Variants in KMT5A observed in about 807,000 individuals in gnomAD.
The protein encoded by KMT5A is lysine methyltransferase 5A, also known as N-lysine methyltransferase KMT5A.
KMT5A carries 6 observed loss-of-function variants against 40.6 expected under a neutral mutation model. That is an observed-to-expected ratio of 0.15 (90% CI 0.08 to 0.29). The LOEUF is 0.29. Among genes scored for constraint, KMT5A ranks in the 10% least tolerant of loss-of-function variants. The pLI, the probability that KMT5A is intolerant of heterozygous loss-of-function variation, is 1.00. For missense variants in KMT5A, 308 were observed against 459.1 expected (o/e 0.67, Z 3.01); for synonymous variants, 153 against 178.8 (o/e 0.86, Z 1.15).
chr12:123,402,272 G>T (rs557882958), intron 5 of KMT5A, among the ~76,000 whole-genome samples: 1 of 152,244 alleles, frequency 6.6e-6, no homozygotes, highest in Non-Finnish European at 1.5e-5. Context: ...CTAGCAAGGG[G>T]GCCGGAGCGG....
intron 5 of KMT5A, among the ~76,000 whole-genome samples, chr12:123,399,850 G>T (rs955606885): frequency 1.3e-5 from 2 of 152,050 alleles, no homozygotes; most frequent in African/African-American, 4.8e-5. Context: ...TCGAGACAGA[G>T]TCTCACACTG....
intron 3 of KMT5A, among the ~76,000 whole-genome samples, chr12:123,393,192 T>C (rs570109563): frequency 6.6e-6 from 1 of 152,294 alleles, no homozygotes; most frequent in African/African-American, 2.4e-5. Context: ...TATTTATTTA[T>C]TTTTCTGTTT....
rs1164644754 is a variant in KMT5A at position 123,408,484 on chromosome 12, A to C, written c.*781A>C. On this transcript the variant is annotated 3_prime_UTR_variant, in exon 8 of 8. Transcript: ENST00000402868. ...AATTTATTTTAAAAAATAATAATAAAAATTTAAAAAAATTAAAAATAAAAA... is the reference window on the plus strand; with the variant it reads ...AATTTATTTTAAAAAATAATAATAACAATTTAAAAAAATTAAAAATAAAAA... 1 of 148,770 alleles carries C rather than the reference A, an allele frequency of 6.7e-6. No homozygotes were observed. The highest frequency in any genetic ancestry group is 2.6e-5 in the African/African-American group (1 of 38,976). The allele number at this position is 148,770 out of a possible 1,614,324, so 9.2% of individuals were successfully genotyped here.
chr12:123,394,377 A>G (rs964650448), intron 3 of KMT5A, among the ~76,000 whole-genome samples: 3 of 152,204 alleles, frequency 2.0e-5, no homozygotes, highest in African/African-American at 7.2e-5. Flanking sequence ...TGCTGGGATT[A>G]CAGGCAGGAG....
intron 3 of KMT5A, 76 bp downstream of exon 3, chr12:123,390,862 C>T: frequency 6.6e-7 from 1 of 1,507,960 alleles, no homozygotes; most frequent in Non-Finnish European, 9.1e-7. Flanking sequence ...CAAGAATGCA[C>T]ATATGTATTT....
In KMT5A at chr12:123,390,653, A is replaced by G; in HGVS notation, c.156A>G (p.Ser52=). 2 of 1,613,904 alleles carry G rather than the reference A, an allele frequency of 1.2e-6. No homozygotes were observed. The highest frequency in any genetic ancestry group is 2.2e-5 in the South Asian group (2 of 91,058). ...TDGENVFTGQ[S]KIYSYMSPNK... Reference sequence around the variant, plus strand: ...AGGAGAACGTATTTACCGGGCAGTCAAAGATCTATTCCTACATGAGCCCGA... The same window carrying G: ...AGGAGAACGTATTTACCGGGCAGTCGAAGATCTATTCCTACATGAGCCCGA... Residue 52 remains serine, a synonymous_variant, in exon 3 of 8, where the codon TCA becomes TCG. Coordinates refer to ENST00000402868, the MANE Select transcript of KMT5A (RefSeq NM_020382.7).
Position 123,408,489 on chromosome 12 carries a change from TA to T in KMT5A, c.*793del, listed in dbSNP as rs1174195199. The T allele has an allele frequency of 7.0e-6, 1 of 143,182 alleles. No individual in the cohort carries two copies. The highest frequency in any genetic ancestry group is 1.5e-5 in the Non-Finnish European group (1 of 66,446). 8.9% of individuals were successfully genotyped at this position (143,182 alleles called of 1,614,324 possible). A position where few individuals can be genotyped will look rare whatever the true frequency, so the allele number is the denominator to read the frequency against. ...ATTTTAAAAAATAATAATAAAAATTTAAAAAAATTAAAAATAAAAAAAACCA... is the reference window on the plus strand; with the variant it reads ...ATTTTAAAAAATAATAATAAAAATTTAAAAAATTAAAAATAAAAAAAACCA... On this transcript the variant is annotated 3_prime_UTR_variant, in exon 8 of 8. Coordinates refer to ENST00000402868, the MANE Select transcript of KMT5A (RefSeq NM_020382.7).
In KMT5A at chr12:123,384,518, G is replaced by A. The variant is rs1284160835; in HGVS notation, c.10+310G>A. On this transcript the variant is annotated intron_variant, in intron 1 of 7. Transcript: ENST00000402868. This position sits in a 1 kb window ranked among gnomAD's most constrained non-coding sequence, Gnocchi z 5.7. ...GAGCTCTTTGGAAACTAAAGCGCAG[G>A]GCACCTCCAGGGAATAGGTGTTATT... Among the ~76,000 whole-genome samples, 1 of 152,280 alleles carries A rather than the reference G, an allele frequency of 6.6e-6. No homozygotes were observed.
At chr12:123,399,523 A>G (rs28377694) in intron 5 of KMT5A, among the ~76,000 whole-genome samples, 36,999 of 152,128 alleles carry the variant, frequency 0.24, 4,948 homozygotes, top group South Asian at 0.34. Flanking sequence ...ACTCCCGTTT[A>G]CATGGGCCCC....
intron 3 of KMT5A, among the ~76,000 whole-genome samples, chr12:123,392,311 T>C (rs568988701): frequency 1.3e-5 from 2 of 152,298 alleles, no homozygotes; most frequent in South Asian, 4.1e-4. Flanking sequence ...GGTGGCCTGG[T>C]ATACAAGCTA....
chr12:123,390,251 GCT>G (rs1183663545), intron 2 of KMT5A: 2 of 423,482 alleles, frequency 4.7e-6, no homozygotes, highest in African/African-American at 4.1e-5. Flanking sequence ...GTGTTTCTGT[GCT>G]GAGTCCCTGC....
In KMT5A at chr12:123,390,667, A is replaced by G; in HGVS notation, c.170A>G (p.Tyr57Cys). 2 of 1,613,962 alleles carry G rather than the reference A, an allele frequency of 1.2e-6. No homozygotes were observed. Among genetic ancestry groups the G allele is most frequent in the Non-Finnish European group, 1.7e-6 (2 of 1,179,836 alleles). The change falls in exon 3 of 8, where the codon TAC becomes TGC. Residue 57 changes from tyrosine (Y) to cysteine (C), a missense_variant. Physicochemically the swap from Tyr to Cys is radical, Grantham distance 194. Coordinates refer to ENST00000402868, the MANE Select transcript of KMT5A (RefSeq NM_020382.7). ...ACCGGGCAGTCAAAGATCTATTCCT[A>G]CATGAGCCCGAACAAATGCTCTGGA... ...VFTGQSKIYS[Y>C]MSPNKCSGMR... is the part of the protein sequence containing the mutation.
At chr12:123,390,267 T>C (rs1262696490) in intron 2 of KMT5A, 2 of 405,410 alleles carry the variant, frequency 4.9e-6, no homozygotes, top group Non-Finnish European at 9.7e-6. Context: ...TCCCTGCGGC[T>C]CCTGCCAGGG....
rs1284581147 is a variant in KMT5A, at chr12:123,408,581, T to G, written c.*878T>G. The G allele has an allele frequency of 7.0e-6, 1 of 143,404 alleles. No homozygotes were observed. The highest frequency in any genetic ancestry group is 2.5e-5 in the African/African-American group (1 of 39,456). The allele number at this position is 143,404 out of a possible 1,614,324, so 8.9% of individuals were successfully genotyped here. ...GAAGTGGCTGCTTTTTTTTTTTTTT[T>G]TTTTTGCTTTTTTTTGCTTTTTGTA... is the stretch of plus-strand genomic sequence containing the variant. On this transcript the variant is annotated 3_prime_UTR_variant, in exon 8 of 8. Coordinates refer to ENST00000402868, the MANE Select transcript of KMT5A (RefSeq NM_020382.7).
chr12:123,401,669 C>A (rs1275586287), intron 5 of KMT5A, among the ~76,000 whole-genome samples: 1 of 151,974 alleles, frequency 6.6e-6, no homozygotes, highest in African/African-American at 2.4e-5. Flanking sequence ...GCAAACTCCA[C>A]CTCCTGGGTT....
chr12:123,396,759 C>T (rs1877758851), intron 5 of KMT5A, among the ~76,000 whole-genome samples: 1 of 152,178 alleles, frequency 6.6e-6, no homozygotes, highest in Non-Finnish European at 1.5e-5. Flanking sequence ...GAGCCTGGGA[C>T]TGTGGGAAAG....
chr12:123,401,572 G>A (rs1444562840), intron 5 of KMT5A, among the ~76,000 whole-genome samples: 1 of 150,294 alleles, frequency 6.7e-6, no homozygotes, highest in Admixed American at 6.6e-5. Context: ...TTTATGGGAA[G>A]GTTTTTTTTT....
intron 5 of KMT5A, among the ~76,000 whole-genome samples, chr12:123,401,744 G>A (rs1007936094): frequency 1.1e-4 from 16 of 151,986 alleles, no homozygotes; most frequent in Non-Finnish European, 2.2e-4. Context: ...ACCACGCCCA[G>A]CTAATTTTTG....
intron 3 of KMT5A, chr12:123,391,023 C>T (rs1225483351): frequency 6.0e-6 from 3 of 496,572 alleles, no homozygotes; most frequent in Non-Finnish European, 1.1e-5. Context: ...GCTTGATTGT[C>T]TTGCTTAGTT....
Sources: gnomAD v4.1 joint callset for allele counts (sites outside exome capture counted in the v4.1 genomes callset) on GRCh38, gnomAD v4.1.1 for gene constraint, Gnocchi (gnomAD v3.1) non-coding constraint, MANE v1.5 for transcripts, NCBI Gene and HGNC (gene_info 2026-07-23, HGNC 2026-07-21) for gene names.